The following ETS1 variants were observed in gnomAD, a reference collection of about 807,000 sequenced individuals.
ETS1 encodes the protein ETS proto-oncogene 1, transcription factor.
Under a neutral mutation model 58.6 loss-of-function variants are expected in ETS1, and 15 were observed. That is an observed-to-expected ratio of 0.26 (90% CI 0.17 to 0.39). ETS1 has a LOEUF of 0.39. ETS1 is among the 10% of genes least tolerant of loss of function. The pLI, the probability that ETS1 is intolerant of heterozygous loss-of-function variation, is 1.00. For synonymous variants in ETS1, 214 were observed against 218.2 expected (o/e 0.98, Z 0.17); for missense variants, 417 against 610.5 (o/e 0.68, Z 3.34).
At chr11:128,523,606 T>G (rs953919228) in intron 3 of ETS1, among the ~76,000 whole-genome samples, 1 of 152,262 alleles carries the variant, frequency 6.6e-6, no homozygotes, top group African/African-American at 2.4e-5. Context: ...ATCCCAGTTT[T>G]GTGCCCTTGA....
chr11:128,506,556 G>A (rs750731965), intron 3 of ETS1, among the ~76,000 whole-genome samples: 3 of 152,210 alleles, frequency 2.0e-5, no homozygotes, highest in Admixed American at 6.5e-5. Context: ...GTAGGAAGGA[G>A]TGCACGTAAG....
At chr11:128,503,120 G>C (rs560033821) in intron 3 of ETS1, among the ~76,000 whole-genome samples, 127 of 152,208 alleles carry the variant, frequency 8.3e-4, no homozygotes, top group African/African-American at 2.9e-3. Context: ...TTCCCACCTT[G>C]TTCCTGGAAA....
intron 3 of ETS1, among the ~76,000 whole-genome samples, chr11:128,494,334 T>A (rs1406580967): frequency 6.6e-6 from 1 of 152,208 alleles, no homozygotes; most frequent in East Asian, 1.9e-4. Flanking sequence ...AAATTTCAGT[T>A]AATATTTATA....
At chr11:128,462,616 A>T in intron 9 of ETS1, 40 bp from the exon 10 acceptor site, 1 of 1,535,116 alleles carries the variant, frequency 6.5e-7, no homozygotes, top group East Asian at 2.2e-5. Context: ...AGTAGGCAAA[A>T]ATCTACAAGA....
At chr11:128,576,782 G>C (rs1292895049) in intron 1 of ETS1, among the ~76,000 whole-genome samples, 1 of 151,756 alleles carries the variant, frequency 6.6e-6, no homozygotes, top group African/African-American at 2.4e-5. Flanking sequence ...CGCGTTGCCA[G>C]GTCTCACTCC....
At chr11:128,514,041 T>C (rs1434204972) in intron 3 of ETS1, among the ~76,000 whole-genome samples, 2 of 152,170 alleles carry the variant, frequency 1.3e-5, no homozygotes, top group African/African-American at 4.8e-5. Context: ...TGGCACATAG[T>C]GGGAGACCCT....
chr11:128,565,802 T>C (rs1391802906), intron 2 of ETS1, among the ~76,000 whole-genome samples: 1 of 152,204 alleles, frequency 6.6e-6, no homozygotes, highest in African/African-American at 2.4e-5. Context: ...TACCAAATAA[T>C]TTGTCCATTG....
intron 3 of ETS1, among the ~76,000 whole-genome samples, chr11:128,546,925 T>C (rs1864141523): frequency 6.6e-6 from 1 of 152,290 alleles, no homozygotes; most frequent in Admixed American, 6.5e-5. Context: ...AAGCTCCCCA[T>C]CCCTACCTCC....
At chr11:128,475,599 C>T (rs1209593048) in intron 8 of ETS1, among the ~76,000 whole-genome samples, 2 of 143,246 alleles carry the variant, frequency 1.4e-5, no homozygotes, top group African/African-American at 2.6e-5. Flanking sequence ...GCTCTGTCAC[C>T]CAGGCTGGAG....
chr11:128,525,358 C>A (rs1156493047), intron 3 of ETS1, among the ~76,000 whole-genome samples: 1 of 152,040 alleles, frequency 6.6e-6, no homozygotes, highest in African/African-American at 2.4e-5. Context: ...CTCAACTCCA[C>A]CCCAACTTCA....
At position 128,585,315 on chromosome 11, in the gene ETS1, A is replaced by AGGGAGGGAAGAAG. The variant is rs1555093277; in HGVS notation, c.-15+2172_-15+2173insCTTCTTCCCTCCC. On this transcript the variant is annotated intron_variant, in intron 1 of 9. Coordinates refer to ENST00000392668, the MANE Select transcript of ETS1 (RefSeq NM_001143820.2). ...GATAGAAAGGGAGGGAAGGGAGGGA[A>AGGGAGGGAAGAAG]GAAGGAAGGAAGGAAGCAAGGAAGG... 6.6e-5 allele frequency among the ~76,000 whole-genome samples: 9 copies of AGGGAGGGAAGAAG among 136,474 alleles called. 1 individual carries two copies. In the East Asian group the frequency reaches 1.5e-3, roughly 23 times the overall value. The allele number at this position is 136,474 out of a possible 152,430, so 89.5% of individuals were successfully genotyped here.
chr11:128,556,779 C>A (rs1464841759), intron 2 of ETS1, among the ~76,000 whole-genome samples: 11 of 152,248 alleles, frequency 7.2e-5, no homozygotes, highest in East Asian at 3.9e-4. Context: ...TTTAATGGTA[C>A]CTTACTCTGT....
intron 3 of ETS1, among the ~76,000 whole-genome samples, chr11:128,520,709 T>G (rs1284691724): frequency 6.6e-6 from 1 of 152,188 alleles, no homozygotes; most frequent in Non-Finnish European, 1.5e-5. Flanking sequence ...GAGCTGAATG[T>G]CAGGGGACCC....
rs535113014 is a variant in ETS1, at chr11:128,462,181, C to T, written c.*180G>A. 7.2e-6 allele frequency: 4 copies of T among 559,238 alleles called. No homozygotes were observed. The highest frequency in any genetic ancestry group is 1.3e-5 in the Non-Finnish European group (4 of 317,988). 34.6% of individuals were successfully genotyped at this position (559,238 alleles called of 1,614,324 possible). ...GTCCCACCCACCCCACAAGTCCTGG[C>T]TTTCCTTTCCCAACTGCGCACAATT... On this transcript the variant is annotated 3_prime_UTR_variant, in exon 10 of 10. Transcript: ENST00000392668.
chr11:128,585,213 A>AGAAAGAAAGAAAGAAAGAAG (rs1565422058), intron 1 of ETS1, among the ~76,000 whole-genome samples: 8 of 139,822 alleles, frequency 5.7e-5, no homozygotes, highest in African/African-American at 2.4e-4. Context: ...AAAGAAAGAA[A>AGAAAGAAAGAAAGAAAGAAG]GAAAGAAAGA....
chr11:128,551,724 A>G (rs572574040), intron 3 of ETS1, among the ~76,000 whole-genome samples: 1 of 152,284 alleles, frequency 6.6e-6, no homozygotes, highest in East Asian at 1.9e-4. Flanking sequence ...TCAACCAATC[A>G]GTGGGTCACT....
chr11:128,571,117 G>T (rs570998458), intron 2 of ETS1, among the ~76,000 whole-genome samples: 29 of 151,692 alleles, frequency 1.9e-4, no homozygotes, highest in African/African-American at 5.3e-4. Context: ...AGAGTTTTTG[G>T]TTTTTTTTAA....
In ETS1 at chr11:128,484,840, A is replaced by G; in HGVS notation, c.845T>C (p.Met282Thr). 1.2e-6 allele frequency: 2 copies of G among 1,614,058 alleles called. No individual in the cohort carries two copies. Among genetic ancestry groups the G allele is most frequent in the African/African-American group, 1.3e-5 (1 of 75,034 alleles). ...TGACCTACCACGACTGGTCCTCCCC[A>G]TGCACATGTTGTCTGGGGTGACGAC... ...QEVVTPDNMC[M>T]GRTSRGKLGG... The change falls in exon 7 of 10, where the codon ATG becomes ACG. Residue 282 changes from methionine (M) to threonine (T), a missense_variant. Physicochemically the swap from Met to Thr is moderately conservative, Grantham distance 81. Transcript: ENST00000392668.
chr11:128,576,422 T>C (rs114876733), intron 1 of ETS1, among the ~76,000 whole-genome samples: 3,837 of 152,124 alleles, frequency 0.025, 164 homozygotes, highest in African/African-American at 0.086. Context: ...TGCTTGAACA[T>C]CAGCTGCACC....
Sources: allele counts gnomAD v4.1 joint callset (sites outside exome capture counted in the v4.1 genomes callset), GRCh38; gene constraint gnomAD v4.1.1; transcripts MANE v1.5; gene names NCBI Gene and HGNC (gene_info 2026-07-23, HGNC 2026-07-21).